SPATA6: variants seen among roughly 807,000 people sequenced by gnomAD.
SPATA6 encodes the protein spermatogenesis-associated protein 6.
Under a neutral mutation model 65.3 loss-of-function variants are expected in SPATA6, and 56 were observed. The observed-to-expected ratio is 0.86, with a 90% CI of 0.69 to 1.07. The LOEUF is 1.07. SPATA6 is among the 50% of genes least tolerant of loss of function. The probability of loss-of-function intolerance (pLI) is 0.00; values close to 1 mark genes in which losing one functional copy is unlikely to be tolerated. For synonymous variants in SPATA6, 199 were observed against 213.2 expected (o/e 0.93, Z 0.58); for missense variants, 590 against 594.8 (o/e 0.99, Z 0.08).
intron 3 of SPATA6, among the ~76,000 whole-genome samples, chr1:48,430,994 A>G (rs781334789): frequency 1.3e-5 from 2 of 152,182 alleles, no homozygotes; most frequent in Admixed American, 6.5e-5. Flanking sequence ...GGATAAAAAC[A>G]TATGACCTGG....
chr1:48,281,332 A>T, the SPATA6 span, among the ~76,000 whole-genome samples: 1 of 151,466 alleles, frequency 6.6e-6, no homozygotes, highest in Non-Finnish European at 1.5e-5. Flanking sequence ...AGTTCTGGCC[A>T]GGGCAATTAG....
intron 11 of SPATA6, among the ~76,000 whole-genome samples, chr1:48,323,332 A>G (rs1216749322): frequency 6.6e-6 from 1 of 150,476 alleles, no homozygotes; most frequent in Non-Finnish European, 1.5e-5. Flanking sequence ...AAAACCAAAC[A>G]CTGCATGTTC....
chr1:48,457,730 C>G (rs1311305752), intron 1 of SPATA6, among the ~76,000 whole-genome samples: 1 of 152,042 alleles, frequency 6.6e-6, no homozygotes, highest in Non-Finnish European at 1.5e-5. Context: ...CAGAACTTCC[C>G]TATCAAAAAT....
chr1:48,423,985 A>C (rs897159915), intron 3 of SPATA6, among the ~76,000 whole-genome samples: 12 of 152,228 alleles, frequency 7.9e-5, no homozygotes, highest in African/African-American at 2.9e-4. Context: ...TCAAGCATTT[A>C]TCCTTTGAGT....
intron 11 of SPATA6, among the ~76,000 whole-genome samples, chr1:48,318,847 C>T (rs1645516154): frequency 6.6e-6 from 1 of 152,054 alleles, no homozygotes; most frequent in Non-Finnish European, 1.5e-5. Context: ...GGAAGACTAA[C>T]AATTCCTGAT....
chr1:48,436,303 T>G, intron 3 of SPATA6: 1 of 1,613,370 alleles, frequency 6.2e-7, no homozygotes. Context: ...TCTATCCCAC[T>G]TTTTCCGGCA....
At chr1:48,317,260 A>AC (rs565545516) in intron 11 of SPATA6, among the ~76,000 whole-genome samples, 338 of 152,296 alleles carry the variant, frequency 2.2e-3, no homozygotes, top group Non-Finnish European at 3.3e-3. Flanking sequence ...TCACAATAGC[A>AC]AGACTTGGAA....
chr1:48,364,611 T>A (rs945938941), intron 9 of SPATA6, among the ~76,000 whole-genome samples: 5 of 152,242 alleles, frequency 3.3e-5, no homozygotes, highest in African/African-American at 1.2e-4. Flanking sequence ...TTTTGAGACA[T>A]GTCTGTTCAT....
intron 3 of SPATA6, among the ~76,000 whole-genome samples, chr1:48,414,043 T>C (rs1405828119): frequency 1.3e-5 from 2 of 152,224 alleles, no homozygotes; most frequent in Admixed American, 1.3e-4. Flanking sequence ...TTCAACTTTT[T>C]CTTGTAATGT....
intron 1 of SPATA6, among the ~76,000 whole-genome samples, chr1:48,455,031 T>G: frequency 6.6e-6 from 1 of 152,210 alleles, no homozygotes; most frequent in Admixed American, 6.5e-5. Context: ...TGTTCCCCTT[T>G]TGCTCTAATA....
intron 11 of SPATA6, among the ~76,000 whole-genome samples, chr1:48,321,321 CA>C (rs1276511644): frequency 6.6e-6 from 1 of 151,748 alleles, no homozygotes; most frequent in South Asian, 2.1e-4. Context: ...AGACTGAAAA[CA>C]AAGGAATGGG....
intron 11 of SPATA6, among the ~76,000 whole-genome samples, chr1:48,322,918 A>G (rs968365521): frequency 1.3e-5 from 2 of 152,244 alleles, no homozygotes; most frequent in Non-Finnish European, 2.9e-5. Context: ...AAGTCACGAA[A>G]TAACAGATGC....
chr1:48,403,606 C>T (rs1221854619), intron 6 of SPATA6, among the ~76,000 whole-genome samples, 196 bp downstream of exon 6: 1 of 152,076 alleles, frequency 6.6e-6, no homozygotes, highest in African/African-American at 2.4e-5. Context: ...CTCTATCATA[C>T]ACACCAAGCT....
the SPATA6 span, among the ~76,000 whole-genome samples, chr1:48,283,260 C>T: frequency 6.6e-6 from 1 of 151,270 alleles, no homozygotes; most frequent in Admixed American, 6.6e-5. Flanking sequence ...GTGTAGCACA[C>T]CAGCATGGCA....
intron 1 of SPATA6, among the ~76,000 whole-genome samples, chr1:48,458,458 C>CT: frequency 6.6e-6 from 1 of 152,234 alleles, no homozygotes; most frequent in East Asian, 1.9e-4. Context: ...TTTTTGCTGT[C>CT]TTTTTTGCTG....
chr1:48,305,252 G>T (rs550186208), intron 12 of SPATA6, among the ~76,000 whole-genome samples: 1 of 152,290 alleles, frequency 6.6e-6, no homozygotes, highest in South Asian at 2.1e-4. Context: ...ATATATTGCA[G>T]TAACTAGTGG....
intron 9 of SPATA6, among the ~76,000 whole-genome samples, chr1:48,384,418 G>GGGAGAGGGAGAC (rs1649237368): frequency 1.1e-5 from 1 of 92,388 alleles, no homozygotes. Flanking sequence ...GAGAGGGAGA[G>GGGAGAGGGAGAC]GGAGAGGGGT....
chr1:48,400,432 T>C (rs1188036070), intron 6 of SPATA6, among the ~76,000 whole-genome samples: 1 of 152,034 alleles, frequency 6.6e-6, no homozygotes, highest in African/African-American at 2.4e-5. Context: ...CTCTGCCTTA[T>C]AAAGGCCTTA....
At chr1:48,415,416 GTGTTTTTGGTTTT>G (rs1418204548) in intron 3 of SPATA6, among the ~76,000 whole-genome samples, 1 of 151,986 alleles carries the variant, frequency 6.6e-6, no homozygotes, top group African/African-American at 2.4e-5. Flanking sequence ...GGGTTTTTTG[GTGTTTTTGGTTTT>G]TGTTTTTGTT....
Sources: gnomAD v4.1 joint callset for allele counts (sites outside exome capture counted in the v4.1 genomes callset) on GRCh38, gnomAD v4.1.1 for gene constraint, MANE v1.5 for transcripts, NCBI Gene and HGNC (gene_info 2026-07-23, HGNC 2026-07-21) for gene names.